The following MTMR7 variants were observed in gnomAD, a reference collection of about 807,000 sequenced individuals.
MTMR7 encodes the protein myotubularin related protein 7.
In MTMR7, 76 loss-of-function variants were observed where a neutral mutation model predicts 81.2. The observed-to-expected ratio is 0.94, with a 90% confidence interval of 0.78 to 1.13. MTMR7 has a LOEUF of 1.13. Among genes scored for constraint, MTMR7 ranks in the 50% most tolerant of loss-of-function variants. The pLI, the probability that MTMR7 is intolerant of heterozygous loss-of-function variation, is 0.00. For missense variants in MTMR7, 1,044 were observed against 820.0 expected, an observed-to-expected ratio of 1.27 and a Z score of -3.34; for synonymous variants, 372 against 289.8, an observed-to-expected ratio of 1.28 and a Z score of -2.88.
chr8:17,394,769 G>T (rs1003050480), intron 1 of MTMR7, among the ~76,000 whole-genome samples: 1 of 152,092 alleles, frequency 6.6e-6, no homozygotes, highest in East Asian at 1.9e-4. Context: ...CTGAGTGTCT[G>T]ACATCAGACC....
intron 1 of MTMR7, among the ~76,000 whole-genome samples, chr8:17,380,804 T>C (rs997742186): frequency 1.3e-5 from 2 of 152,218 alleles, no homozygotes; most frequent in East Asian, 1.9e-4. Flanking sequence ...TTAATAATTA[T>C]TGTAAGAAAT....
chr8:17,354,838 T>G (rs923470699), intron 4 of MTMR7, among the ~76,000 whole-genome samples: 5 of 152,194 alleles, frequency 3.3e-5, no homozygotes, highest in African/African-American at 1.2e-4. Context: ...TGTGTTCTCT[T>G]GCTAAGTTAG....
At chr8:17,378,947 G>T (rs578026962) in intron 1 of MTMR7, among the ~76,000 whole-genome samples, 2 of 152,246 alleles carry the variant, frequency 1.3e-5, no homozygotes, top group African/African-American at 4.8e-5. Context: ...TACCCAGGGC[G>T]AGCAGGCAGA....
rs751462000 is a variant in MTMR7 at position 17,311,679 on chromosome 8, T to G, written c.976-43A>C. 4 of 1,612,686 alleles carry G rather than the reference T, an allele frequency of 2.5e-6. No homozygotes were observed. In the Admixed American group the frequency reaches 6.7e-5, roughly 27 times the overall value. On this transcript the variant is annotated intron_variant, in intron 8 of 13. Coordinates refer to ENST00000180173, the MANE Select transcript of MTMR7 (RefSeq NM_004686.5). Reference sequence around the variant, plus strand: ...CGCAAAGAGTCACAAAGAATGGCTGTAAAAAGGCAGAACCTCTCATCACAG... The same window carrying G: ...CGCAAAGAGTCACAAAGAATGGCTGGAAAAAGGCAGAACCTCTCATCACAG...
chr8:17,301,832 TTC>T (rs1233330655), intron 13 of MTMR7: 8 of 384,430 alleles, frequency 2.1e-5, no homozygotes, highest in East Asian at 4.2e-5. Context: ...TTTGATTTTA[TTC>T]TGTTACTTTT....
At chr8:17,371,668 C>T (rs1403612068) in intron 2 of MTMR7, among the ~76,000 whole-genome samples, 1 of 152,134 alleles carries the variant, frequency 6.6e-6, no homozygotes, top group African/African-American at 2.4e-5. Context: ...GTTTTCTAAG[C>T]TGTTGGTGGT....
chr8:17,349,882 G>C (rs189256263), intron 4 of MTMR7, among the ~76,000 whole-genome samples: 1 of 152,242 alleles, frequency 6.6e-6, no homozygotes, highest in East Asian at 1.9e-4. Context: ...CTCTGACTGA[G>C]CAACTTCATG....
At chr8:17,410,163 C>G (rs1180141388) in intron 1 of MTMR7, among the ~76,000 whole-genome samples, 1 of 152,068 alleles carries the variant, frequency 6.6e-6, no homozygotes, top group African/African-American at 2.4e-5. Context: ...AATCAGGAGA[C>G]CAGTCAGGGT....
chr8:17,404,867 C>G (rs1015062720), intron 1 of MTMR7, among the ~76,000 whole-genome samples: 2 of 152,074 alleles, frequency 1.3e-5, no homozygotes, highest in African/African-American at 2.4e-5. Flanking sequence ...GCTCTGTAGC[C>G]CAAGCTGGAG....
intron 4 of MTMR7, among the ~76,000 whole-genome samples, chr8:17,349,934 A>T (rs1668913740): frequency 6.6e-6 from 1 of 152,152 alleles, no homozygotes; most frequent in African/African-American, 2.4e-5. Flanking sequence ...GTGGTTTGCT[A>T]ATCTCTAGAA....
At position 17,384,507 on chromosome 8, in the gene MTMR7, T is replaced by C. The variant is rs187353655; in HGVS notation, c.25-11267A>G. On this transcript the variant is annotated intron_variant, in intron 1 of 13. Transcript: ENST00000180173. Reference sequence around the variant, plus strand: ...TCCCACCTCATGTCCACAACTTCATTTCTCCTGTGTGAAACTCACAGAAAC... The same window carrying C: ...TCCCACCTCATGTCCACAACTTCATCTCTCCTGTGTGAAACTCACAGAAAC... 5.2e-3 allele frequency among the ~76,000 whole-genome samples: 796 copies of C among 152,328 alleles called. 3 individuals are homozygous for C. Among genetic ancestry groups the C allele is most frequent in the Middle Eastern group, 0.01 (3 of 294 alleles).
chr8:17,375,486 T>TG (rs1274645546), intron 1 of MTMR7, among the ~76,000 whole-genome samples: 5 of 152,006 alleles, frequency 3.3e-5, no homozygotes, highest in Non-Finnish European at 5.9e-5. Context: ...TTATGTTTTT[T>TG]TTTTTTTTTT....
intron 4 of MTMR7, among the ~76,000 whole-genome samples, chr8:17,352,337 TG>T (rs1278938193): frequency 2.0e-5 from 3 of 152,148 alleles, no homozygotes; most frequent in Non-Finnish European, 2.9e-5. Context: ...GACTACTCAA[TG>T]GGGTAAGATT....
chr8:17,413,235 C>T (rs1462229052), intron 1 of MTMR7, 34 bp downstream of exon 1: 2 of 1,547,636 alleles, frequency 1.3e-6, no homozygotes, highest in Non-Finnish European at 1.7e-6. Flanking sequence ...CCATCTCCTC[C>T]CGTCCCTCCT....
chr8:17,370,492 T>G (rs144496846), intron 3 of MTMR7, among the ~76,000 whole-genome samples: 2 of 141,348 alleles, frequency 1.4e-5, no homozygotes, highest in African/African-American at 5.4e-5. Context: ...GAGGCAGAGG[T>G]TGCAGTGAGC....
rs1586109686 is a variant in MTMR7, at chr8:17,297,341, T to C, written c.*2521A>G. 1 of 149,682 alleles carries C rather than the reference T, an allele frequency of 6.7e-6. No homozygotes were observed. The highest frequency in any genetic ancestry group is 1.9e-4 in the East Asian group (1 of 5,174). 9.3% of individuals were successfully genotyped at this position (149,682 alleles called of 1,614,324 possible). A position where few individuals can be genotyped will look rare whatever the true frequency, so the allele number is the denominator to read the frequency against. On this transcript the variant is annotated 3_prime_UTR_variant, in exon 14 of 14. Transcript: ENST00000180173. ...GTTGAAAGAAATTTCTAGGCATAAATTGAGACTAGGAAATTTATATCAGAA... is the reference window on the plus strand; with the variant it reads ...GTTGAAAGAAATTTCTAGGCATAAACTGAGACTAGGAAATTTATATCAGAA...
chr8:17,319,679 C>T (rs140762892), intron 7 of MTMR7, among the ~76,000 whole-genome samples: 2,113 of 152,308 alleles, frequency 0.014, 36 homozygotes, highest in Middle Eastern at 0.041. Flanking sequence ...TATTCTCATT[C>T]TTGATTGTGG....
intron 4 of MTMR7, among the ~76,000 whole-genome samples, chr8:17,352,352 C>G (rs1012305710): frequency 1.3e-5 from 2 of 152,084 alleles, no homozygotes; most frequent in Non-Finnish European, 2.9e-5. Context: ...TAAGATTAGT[C>G]TCTTCAACAG....
intron 4 of MTMR7, among the ~76,000 whole-genome samples, chr8:17,350,806 G>A (rs558109651): frequency 5.3e-5 from 8 of 152,274 alleles, no homozygotes; most frequent in African/African-American, 1.7e-4. Context: ...GGAATAAAAG[G>A]GCCACAGAAG....
Sources: gnomAD v4.1 joint callset for allele counts (sites outside exome capture counted in the v4.1 genomes callset) on GRCh38, gnomAD v4.1.1 for gene constraint, MANE v1.5 for transcripts, NCBI Gene and HGNC (gene_info 2026-07-23, HGNC 2026-07-21) for gene names.